Variants in PDE4D observed in about 807,000 individuals in gnomAD.
The protein encoded by PDE4D is phosphodiesterase 4D.
PDE4D carries 24 observed loss-of-function variants against 87.4 expected under a neutral mutation model. The ratio of observed to expected loss-of-function variants is 0.27; its 90% CI spans 0.20 to 0.39. The LOEUF is 0.39. Among genes scored for constraint, PDE4D ranks in the 10% least tolerant of loss-of-function variants. The pLI is 1.00. For missense variants in PDE4D, 714 were observed against 1,041.0 expected, an observed-to-expected ratio of 0.69 and a Z score of 4.32; for synonymous variants, 384 against 383.2, an observed-to-expected ratio of 1.00 and a Z score of -0.02.
In PDE4D at chr5:59,638,292, T is replaced by C. The variant is rs1303099346; in HGVS notation, c.455+254876A>G. ...ATCGAATTTCATAAAAGCATTTCTA[T>C]AAAAATGATGAATAGACCACCAGAA... On this transcript the variant is annotated intron_variant, in intron 1 of 14. Transcript: ENST00000340635. Among the ~76,000 whole-genome samples the C allele has an allele frequency of 3.3e-5, 5 of 152,154 alleles. No individual in the cohort carries two copies. In the East Asian group the frequency reaches 7.7e-4, roughly 23 times the overall value.
At chr5:60,010,527 A>G (rs1308421265) in intron 2 of PDE4D, among the ~76,000 whole-genome samples, 1 of 152,140 alleles carries the variant, frequency 6.6e-6, no homozygotes, top group African/African-American at 2.4e-5. Flanking sequence ...ATCACTCCCC[A>G]GGGGTGGTAT....
At chr5:59,427,006 C>T (rs1297774911) in intron 1 of PDE4D, among the ~76,000 whole-genome samples, 1 of 27,024 alleles carries the variant, frequency 3.7e-5, no homozygotes, top group Admixed American at 3.5e-4. Context: ...TATACACACA[C>T]ACACACACAC....
At chr5:60,158,380 A>T (rs753020672) in intron 2 of PDE4D, among the ~76,000 whole-genome samples, 1 of 152,184 alleles carries the variant, frequency 6.6e-6, no homozygotes, top group African/African-American at 2.4e-5. Context: ...GGAAAGATAC[A>T]GTAAAAATGT....
chr5:60,320,797 C>T (rs1050708656), intron 1 of PDE4D, among the ~76,000 whole-genome samples: 1 of 152,006 alleles, frequency 6.6e-6, no homozygotes, highest in South Asian at 2.1e-4. Flanking sequence ...GAACACAATC[C>T]TACAATAGCC....
At chr5:59,750,682 T>A (rs944838617) in intron 1 of PDE4D, among the ~76,000 whole-genome samples, 2 of 152,128 alleles carry the variant, frequency 1.3e-5, no homozygotes, top group African/African-American at 4.8e-5. Flanking sequence ...ATGCCTATAA[T>A]CCCAGCACTT....
intron 1 of PDE4D, among the ~76,000 whole-genome samples, chr5:60,424,856 T>A (rs1743534636): frequency 6.6e-6 from 1 of 152,212 alleles, no homozygotes; most frequent in Admixed American, 6.5e-5. Flanking sequence ...AAAATCAATG[T>A]GCAAAAATCA....
chr5:59,009,227 T>C (rs1411855780), intron 6 of PDE4D, among the ~76,000 whole-genome samples: 1 of 152,102 alleles, frequency 6.6e-6, no homozygotes, highest in Non-Finnish European at 1.5e-5. Flanking sequence ...CTTCTAAGTA[T>C]CTACCCATGA....
At chr5:60,279,933 G>A (rs1036753562) in intron 1 of PDE4D, among the ~76,000 whole-genome samples, 36 of 151,838 alleles carry the variant, frequency 2.4e-4, no homozygotes, top group African/African-American at 8.7e-4. Flanking sequence ...GCCCGCCTCG[G>A]CCTCCCAAAG....
At chr5:59,320,927 G>A (rs1453606176) in intron 1 of PDE4D, among the ~76,000 whole-genome samples, 1 of 151,960 alleles carries the variant, frequency 6.6e-6, no homozygotes, top group Non-Finnish European at 1.5e-5. Flanking sequence ...AACCAATTAA[G>A]TAATCTATTT....
intron 1 of PDE4D, among the ~76,000 whole-genome samples, chr5:60,279,721 A>T (rs1751709924): frequency 6.9e-6 from 1 of 144,056 alleles, no homozygotes; most frequent in Non-Finnish European, 1.5e-5. Flanking sequence ...GTCTCACACT[A>T]TCCCCTGGGC....
intron 1 of PDE4D, among the ~76,000 whole-genome samples, chr5:59,368,715 G>A (rs1452799054): frequency 6.6e-6 from 1 of 152,124 alleles, no homozygotes; most frequent in African/African-American, 2.4e-5. Context: ...ACTCAAAACA[G>A]GAGAGAAAAT....
chr5:59,960,070 AC>A (rs2152809746), intron 3 of PDE4D, among the ~76,000 whole-genome samples: 1 of 152,282 alleles, frequency 6.6e-6, no homozygotes, highest in African/African-American at 2.4e-5. Flanking sequence ...AAGAAGACAT[AC>A]AAGCAACCAA....
chr5:59,224,798 G>A (rs1205870879), intron 1 of PDE4D, among the ~76,000 whole-genome samples: 5 of 152,162 alleles, frequency 3.3e-5, no homozygotes. Flanking sequence ...TCTTCACCAT[G>A]TGAGGACAGA....
At chr5:60,266,832 T>C (rs1750259492) in intron 1 of PDE4D, among the ~76,000 whole-genome samples, 1 of 152,252 alleles carries the variant, frequency 6.6e-6, no homozygotes, top group Admixed American at 6.5e-5. Flanking sequence ...TTCTCTTGCA[T>C]TCCAGGCTCA....
intron 2 of PDE4D, among the ~76,000 whole-genome samples, chr5:59,996,207 C>T (rs1763513580): frequency 6.6e-6 from 1 of 152,178 alleles, no homozygotes; most frequent in Admixed American, 6.5e-5. Flanking sequence ...CTACACTATG[C>T]AGAGCATTGT....
At chr5:59,039,341 G>C (rs984462590) in intron 5 of PDE4D, 3 of 1,037,720 alleles carry the variant, frequency 2.9e-6, no homozygotes, top group East Asian at 1.0e-4. Flanking sequence ...CGGATGGCGA[G>C]GGGGTGGCGA....
intron 2 of PDE4D, among the ~76,000 whole-genome samples, chr5:60,071,073 T>C (rs1474771585): frequency 1.3e-5 from 2 of 152,044 alleles, no homozygotes; most frequent in Non-Finnish European, 2.9e-5. Flanking sequence ...CGCTCTTTTT[T>C]TGCTAGTTAG....
chr5:59,754,525 C>A (rs1312537750), intron 1 of PDE4D, among the ~76,000 whole-genome samples: 1 of 152,074 alleles, frequency 6.6e-6, no homozygotes, highest in African/African-American at 2.4e-5. Flanking sequence ...CTGTTGCCAT[C>A]ATGAAATTTG....
At chr5:60,245,928 A>G (rs1747710145) in intron 1 of PDE4D, among the ~76,000 whole-genome samples, 1 of 151,934 alleles carries the variant, frequency 6.6e-6, no homozygotes, top group East Asian at 1.9e-4. Flanking sequence ...CTAAAAGAGT[A>G]TAATTGGATT....
Sources: gnomAD v4.1 joint callset for allele counts (sites outside exome capture counted in the v4.1 genomes callset) on GRCh38, gnomAD v4.1.1 for gene constraint, MANE v1.5 for transcripts, NCBI Gene and HGNC (gene_info 2026-07-23, HGNC 2026-07-21) for gene names.